Variants in TMEM71 observed in about 807,000 individuals in gnomAD.
TMEM71 encodes the protein transmembrane protein 71.
TMEM71 carries 44 observed loss-of-function variants against 38.0 expected under a neutral mutation model. The observed-to-expected ratio is 1.16, with a 90% CI of 0.91 to 1.49. The LOEUF (loss-of-function observed/expected upper bound fraction) is 1.49, where lower values mean the gene tolerates loss of function less well. Ranked by LOEUF, TMEM71 falls within the 40% of genes most tolerant of loss-of-function variation. TMEM71 has a pLI of 0.00. For missense variants in TMEM71, 367 were observed against 348.6 expected, an observed-to-expected ratio of 1.05 and a Z score of -0.42; for synonymous variants, 133 against 122.5, an observed-to-expected ratio of 1.09 and a Z score of -0.56.
At chr8:132,732,989 T>C (rs1020778666) in intron 5 of TMEM71, among the ~76,000 whole-genome samples, 2 of 152,210 alleles carry the variant, frequency 1.3e-5, no homozygotes, top group Non-Finnish European at 2.9e-5. Context: ...ATTAGAGTCC[T>C]TTCGACAACT....
At chr8:132,717,828 T>C (rs1297688662) in intron 7 of TMEM71, among the ~76,000 whole-genome samples, 7 of 152,158 alleles carry the variant, frequency 4.6e-5, no homozygotes, top group Non-Finnish European at 1.0e-4. Context: ...AATGGTCAAA[T>C]GGGGAAAAAC....
rs754684047 is a variant in TMEM71 at position 132,757,281 on chromosome 8, C to T, written c.54G>A (p.Leu18=). Residue 18 remains leucine (L), a synonymous_variant, in exon 3 of 10, where the codon TTG becomes TTA. Transcript: ENST00000677595. ...MSTPVASSSR[L]EREYAGELSP... is the part of the protein sequence containing the mutation. ...ACAGCTCTCCAGCATATTCTCTTTC[C>T]AACCTGGAAGAACCTGCATAAACAA... 1 of 1,607,944 alleles carries T rather than the reference C, an allele frequency of 6.2e-7. No individual in the cohort carries two copies. Among genetic ancestry groups the T allele is most frequent in the Non-Finnish European group, 8.5e-7 (1 of 1,176,666 alleles).
intron 7 of TMEM71, among the ~76,000 whole-genome samples, chr8:132,719,407 T>A (rs891701853): frequency 6.6e-6 from 1 of 152,250 alleles, no homozygotes; most frequent in Non-Finnish European, 1.5e-5. Flanking sequence ...AAATATTGTG[T>A]AAAGTTACCT....
chr8:132,754,502 GTTGTTGTTA>G (rs1828897756), intron 3 of TMEM71, among the ~76,000 whole-genome samples: 1 of 152,132 alleles, frequency 6.6e-6, no homozygotes, highest in Admixed American at 6.5e-5. Context: ...AGGTTTAGTT[GTTGTTGTTA>G]TTGTTGTTGT....
intron 2 of TMEM71, among the ~76,000 whole-genome samples, chr8:132,757,558 G>T (rs544968195): frequency 6.6e-6 from 1 of 152,078 alleles, no homozygotes; most frequent in African/African-American, 2.4e-5. Flanking sequence ...CGGGCGCAGT[G>T]TCTCACTCCT....
In TMEM71 at chr8:132,714,035, G is replaced by C. The variant is rs1563741218; in HGVS notation, c.832C>G (p.Leu278Val). 6.2e-7 allele frequency: 1 copy of C among 1,614,018 alleles called. No individual in the cohort carries two copies. Among genetic ancestry groups the C allele is most frequent in the Non-Finnish European group, 8.5e-7 (1 of 1,179,956 alleles). ...ITVAYVKSLF[L>V]SLASYFKTTA... is the part of the protein sequence containing the mutation. Reference sequence around the variant, plus strand: ...GTTTTGAAATAGCTGGCAAGGCTGAGAAACAATGATTTCACATCTTGAGTG... The same window carrying C: ...GTTTTGAAATAGCTGGCAAGGCTGACAAACAATGATTTCACATCTTGAGTG... Residue 278 changes from leucine (L) to valine (V), a missense_variant, in exon 9 of 10, where the codon CTC becomes GTC. Coordinates refer to ENST00000677595, the MANE Select transcript of TMEM71 (RefSeq NM_001382403.1).
At chr8:132,772,866 T>G in the TMEM71 span, among the ~76,000 whole-genome samples, 2 of 152,194 alleles carry the variant, frequency 1.3e-5, no homozygotes, top group Non-Finnish European at 2.9e-5. Flanking sequence ...CTGACACAGG[T>G]GCATTCTATC....
intron 6 of TMEM71, among the ~76,000 whole-genome samples, chr8:132,726,967 C>T (rs1827178723): frequency 6.6e-6 from 1 of 151,790 alleles, no homozygotes; most frequent in African/African-American, 2.4e-5. Flanking sequence ...GTGACTCTCC[C>T]TGTCTCAGCC....
upstream of TMEM71, among the ~76,000 whole-genome samples, chr8:132,761,858 G>T (rs887758926): frequency 5.9e-5 from 9 of 152,216 alleles, no homozygotes; most frequent in African/African-American, 2.2e-4. Flanking sequence ...TCAAAAGCCA[G>T]TAAGGGTCTG....
intron 5 of TMEM71, among the ~76,000 whole-genome samples, chr8:132,744,173 AC>A (rs1828206617): frequency 6.6e-6 from 1 of 151,870 alleles, no homozygotes; most frequent in Admixed American, 6.6e-5. Context: ...CTATCCCCTG[AC>A]CTACCACAGT....
At chr8:132,741,217 G>C (rs1447776020) in intron 5 of TMEM71, among the ~76,000 whole-genome samples, 2 of 152,156 alleles carry the variant, frequency 1.3e-5, no homozygotes, top group African/African-American at 2.4e-5. Context: ...ACAAAAGTTA[G>C]CTGGGTGTGG....
At chr8:132,757,530 A>G (rs531844950) in intron 2 of TMEM71, among the ~76,000 whole-genome samples, 2 of 152,224 alleles carry the variant, frequency 1.3e-5, no homozygotes, top group South Asian at 4.1e-4. Flanking sequence ...CTTCATCCAC[A>G]TAACACTCTA....
At chr8:132,748,724 T>C (rs1056070419) in intron 4 of TMEM71, among the ~76,000 whole-genome samples, 1 of 152,256 alleles carries the variant, frequency 6.6e-6, no homozygotes, top group African/African-American at 2.4e-5. Flanking sequence ...GTATGTATTA[T>C]GGGATGGGCA....
intron 5 of TMEM71, among the ~76,000 whole-genome samples, chr8:132,729,709 G>A (rs1827344735): frequency 6.6e-6 from 1 of 152,184 alleles, no homozygotes; most frequent in Non-Finnish European, 1.5e-5. Flanking sequence ...AGTCATAGTA[G>A]TCAAAGGTCT....
intron 6 of TMEM71, among the ~76,000 whole-genome samples, chr8:132,727,595 C>T (rs16904726): frequency 0.13 from 18,516 of 143,056 alleles, 1,325 homozygotes; most frequent in East Asian, 0.38. Flanking sequence ...GATCCAGTTA[C>T]TGATGCCTCT....
At chr8:132,756,441 A>ATATATT (rs1829023633) in intron 3 of TMEM71, among the ~76,000 whole-genome samples, 1 of 137,956 alleles carries the variant, frequency 7.2e-6, no homozygotes, top group Non-Finnish European at 1.6e-5. Flanking sequence ...ATATATATAT[A>ATATATT]TTCATTATTC....
chr8:132,736,463 T>C (rs1827751237), intron 5 of TMEM71, among the ~76,000 whole-genome samples: 1 of 152,072 alleles, frequency 6.6e-6, no homozygotes, highest in African/African-American at 2.4e-5. Flanking sequence ...TCAGACAGGA[T>C]GAAAAATGTT....
chr8:132,729,577 C>T (rs1189449275), intron 5 of TMEM71, among the ~76,000 whole-genome samples: 1 of 152,184 alleles, frequency 6.6e-6, no homozygotes, highest in Non-Finnish European at 1.5e-5. Flanking sequence ...AACAAATGTA[C>T]TTTTCTTTAT....
At chr8:132,766,484 C>A in the TMEM71 span, among the ~76,000 whole-genome samples, 2 of 151,996 alleles carry the variant, frequency 1.3e-5, no homozygotes, top group African/African-American at 4.8e-5. Context: ...TATTTAGATT[C>A]CTCCTTTTTA....
Sources: allele counts gnomAD v4.1 joint callset (sites outside exome capture counted in the v4.1 genomes callset), GRCh38; gene constraint gnomAD v4.1.1; transcripts MANE v1.5; gene names NCBI Gene and HGNC (gene_info 2026-07-23, HGNC 2026-07-21).